The following LPGAT1 variants were observed in gnomAD, a reference collection of about 807,000 sequenced individuals.
The protein encoded by LPGAT1 is acyl-CoA:lysophosphatidylglycerol acyltransferase 1.
Under a neutral mutation model 47.5 loss-of-function variants are expected in LPGAT1, and 11 were observed. That is an observed-to-expected ratio of 0.23 (90% CI 0.15 to 0.38). LPGAT1 has a LOEUF of 0.38. LPGAT1 is among the 10% of genes least tolerant of loss of function. LPGAT1 has a pLI of 1.00. For missense variants in LPGAT1, 293 were observed against 439.0 expected (o/e 0.67, Z 2.97); for synonymous variants, 138 against 144.2 (o/e 0.96, Z 0.31).
intron 4 of LPGAT1, among the ~76,000 whole-genome samples, chr1:211,786,640 A>G (rs967856756): frequency 6.6e-6 from 1 of 152,172 alleles, no homozygotes; most frequent in Non-Finnish European, 1.5e-5. Flanking sequence ...ATCCATACCT[A>G]TTCTTTAAAA....
chr1:211,821,440 A>C (rs1281751519), intron 2 of LPGAT1, among the ~76,000 whole-genome samples: 3 of 152,228 alleles, frequency 2.0e-5, no homozygotes, highest in Non-Finnish European at 2.9e-5. Context: ...GAATTAAGAC[A>C]AAAACAGATG....
chr1:211,804,473 C>T (rs1327018124), intron 2 of LPGAT1, among the ~76,000 whole-genome samples: 3 of 152,046 alleles, frequency 2.0e-5, no homozygotes, highest in Non-Finnish European at 4.4e-5. Context: ...CAGAAAATTA[C>T]CCCAAATCTC....
At chr1:211,787,489 C>CAAA (rs374026763) in intron 4 of LPGAT1, 143 bp downstream of exon 4, 67 of 190,534 alleles carry the variant, frequency 3.5e-4, no homozygotes, top group Middle Eastern at 1.4e-3. Context: ...CTCTGTCTCT[C>CAAA]AAAAAAAAAA....
chr1:211,790,115 T>A (rs369580648), intron 3 of LPGAT1, among the ~76,000 whole-genome samples: 1 of 152,306 alleles, frequency 6.6e-6, no homozygotes, highest in African/African-American at 2.4e-5. Context: ...ATGACTGCAC[T>A]CTTTCTGTCC....
intron 4 of LPGAT1, among the ~76,000 whole-genome samples, chr1:211,786,774 AATTT>A (rs1257187038): frequency 6.6e-6 from 1 of 152,200 alleles, no homozygotes; most frequent in South Asian, 2.1e-4. Context: ...CTTATTTATT[AATTT>A]ATTTAATAAT....
chr1:211,821,274 T>C (rs148854181), intron 2 of LPGAT1, among the ~76,000 whole-genome samples: 177 of 152,122 alleles, frequency 1.2e-3, no homozygotes, highest in Non-Finnish European at 2.0e-3. Context: ...AAAAAACGTA[T>C]AAAGCAACAA....
rs529841942 is a variant in LPGAT1 at position 211,761,575 on chromosome 1, T to C, written c.855-10508A>G. Among the ~76,000 whole-genome samples the C allele has an allele frequency of 2.0e-5, 3 of 152,344 alleles. No homozygotes were observed. In the East Asian group the frequency reaches 5.8e-4, roughly 29 times the overall value. ...AAGCAGAACTGGGAGAAACAGAGCT[T>C]GAATCACCAGATTAAGTACATCATC... On this transcript the variant is annotated intron_variant, in intron 6 of 7. Coordinates refer to ENST00000366997, the MANE Select transcript of LPGAT1 (RefSeq NM_014873.3).
At chr1:211,808,824 G>A (rs75677605) in intron 2 of LPGAT1, among the ~76,000 whole-genome samples, 367 of 152,190 alleles carry the variant, frequency 2.4e-3, no homozygotes, top group African/African-American at 8.4e-3. Flanking sequence ...ATTACTAAAT[G>A]GACTGCACTC....
chr1:211,756,974 T>C (rs1231631453), intron 6 of LPGAT1, among the ~76,000 whole-genome samples: 1 of 150,870 alleles, frequency 6.6e-6, no homozygotes, highest in Admixed American at 6.7e-5. Flanking sequence ...ATACAAACTA[T>C]CACGCCAGGT....
intron 5 of LPGAT1, 38 bp from the exon 6 acceptor site, chr1:211,779,082 C>T (rs1658528947): frequency 2.0e-6 from 3 of 1,511,958 alleles, no homozygotes; most frequent in Non-Finnish European, 2.7e-6. Context: ...ATTAAATCAA[C>T]TTTTATATTA....
At chr1:211,757,808 CT>C (rs1657528549) in intron 6 of LPGAT1, among the ~76,000 whole-genome samples, 1 of 152,174 alleles carries the variant, frequency 6.6e-6, no homozygotes, top group South Asian at 2.1e-4. Context: ...TAACTTCCAT[CT>C]TTTGAATTGT....
chr1:211,812,909 G>C (rs945416652), intron 2 of LPGAT1, among the ~76,000 whole-genome samples: 1 of 152,156 alleles, frequency 6.6e-6, no homozygotes, highest in East Asian at 1.9e-4. Context: ...AACAGTGAGA[G>C]AATAAGTTTA....
intron 6 of LPGAT1, among the ~76,000 whole-genome samples, chr1:211,773,686 C>T (rs541846766): frequency 6.6e-6 from 1 of 152,246 alleles, no homozygotes; most frequent in Admixed American, 6.5e-5. Flanking sequence ...AAATACTCTC[C>T]CTGTAATTAA....
rs1251537238 is a variant in LPGAT1 at position 211,748,710 on chromosome 1, C to T, written c.*1189G>A. ...AAAAAAAAGAAAAAAGAAAAAGCAA[C>T]TGGAAGAGATTGGGGGGAGCCTTAT... On this transcript the variant is annotated 3_prime_UTR_variant, in exon 8 of 8. Transcript: ENST00000366997. The T allele has an allele frequency of 6.5e-6, 1 of 152,840 alleles. No homozygotes were observed. The highest frequency in any genetic ancestry group is 1.5e-5 in the Non-Finnish European group (1 of 68,424). The allele number at this position is 152,840 out of a possible 1,614,324, so 9.5% of individuals were successfully genotyped here. A position where few individuals can be genotyped will look rare whatever the true frequency, so the allele number is the denominator to read the frequency against.
intron 2 of LPGAT1, among the ~76,000 whole-genome samples, chr1:211,818,282 G>T (rs1263319705): frequency 3.9e-5 from 6 of 152,130 alleles, no homozygotes; most frequent in Non-Finnish European, 8.8e-5. Flanking sequence ...ATCCAAGCAA[G>T]TATCCTTAAT....
chr1:211,813,175 A>T (rs1249827106), intron 2 of LPGAT1, among the ~76,000 whole-genome samples: 2 of 152,212 alleles, frequency 1.3e-5, no homozygotes, highest in Non-Finnish European at 2.9e-5. Flanking sequence ...TGCTGAAGTA[A>T]GAATTTATCT....
intron 2 of LPGAT1, among the ~76,000 whole-genome samples, chr1:211,822,394 G>A (rs1660391932): frequency 6.6e-6 from 1 of 152,132 alleles, no homozygotes; most frequent in Admixed American, 6.5e-5. Context: ...CCACAGGGAT[G>A]GAGAAGAACA....
chr1:211,801,636 A>G (rs951638129), intron 2 of LPGAT1, among the ~76,000 whole-genome samples: 4 of 150,094 alleles, frequency 2.7e-5, no homozygotes, highest in Middle Eastern at 3.2e-3. Flanking sequence ...TGAGCCCAGG[A>G]GTTCAAAGCT....
Position 211,749,000 on chromosome 1 carries a change from AAT to A in LPGAT1, c.*897_*898del, listed in dbSNP as rs1558250159. The A allele has an allele frequency of 6.6e-6, 1 of 152,560 alleles. No individual in the cohort carries two copies. Among genetic ancestry groups the A allele is most frequent in the Non-Finnish European group, 1.5e-5 (1 of 68,062 alleles). 9.5% of individuals were successfully genotyped at this position (152,560 alleles called of 1,614,324 possible). ...GGAAAAAATAAAGCCTCTGAGCTGC[AAT>A]AGAGGCATCACGTCAGGGTGGTGTC... On this transcript the variant is annotated 3_prime_UTR_variant, in exon 8 of 8. Transcript: ENST00000366997.
Sources: allele counts gnomAD v4.1 joint callset (sites outside exome capture counted in the v4.1 genomes callset), GRCh38; gene constraint gnomAD v4.1.1; transcripts MANE v1.5; gene names NCBI Gene and HGNC (gene_info 2026-07-23, HGNC 2026-07-21).